Variants in RPS29 observed in about 807,000 individuals in gnomAD.
RPS29 encodes small ribosomal subunit protein uS14.
For missense variants in RPS29, 60 were observed against 75.7 expected, an observed-to-expected ratio of 0.79 and a Z score of 0.77; for synonymous variants, 37 against 26.9, an observed-to-expected ratio of 1.37 and a Z score of -1.16.
downstream of RPS29, among the ~76,000 whole-genome samples, chr14:49,582,382 T>C (rs190419349): frequency 3.4e-4 from 52 of 152,332 alleles, no homozygotes; most frequent in African/African-American, 1.1e-3. Context: ...ATTTCTCTGA[T>C]TCCATCCAGG....
exon 3 of RPS29, chr14:49,571,332 C>T (rs1396214487): frequency 1.3e-5 from 2 of 152,192 alleles, no homozygotes; most frequent in African/African-American, 4.8e-5. Flanking sequence ...TGTGACATAG[C>T]GTGCACAGTA....
chr14:49,585,574 C>A, intron 2 of RPS29: 1 of 320,602 alleles, frequency 3.1e-6, no homozygotes. Flanking sequence ...CAGAGGGAGA[C>A]CCTATCTCTA....
downstream of RPS29, among the ~76,000 whole-genome samples, chr14:49,582,221 A>G (rs963875189): frequency 6.6e-6 from 1 of 151,632 alleles, no homozygotes; most frequent in African/African-American, 2.4e-5. Flanking sequence ...GTTGATCCCA[A>G]GAGTTCAGAC....
At chr14:49,590,432 C>T (rs976430926), upstream of RPS29, among the ~76,000 whole-genome samples, 3 of 151,770 alleles carry the variant, frequency 2.0e-5, no homozygotes, top group African/African-American at 4.8e-5. Context: ...GCCGAGATTG[C>T]GCCACTGCAC....
downstream of RPS29, among the ~76,000 whole-genome samples, chr14:49,583,098 C>T (rs898870707): frequency 6.6e-6 from 1 of 152,092 alleles, no homozygotes; most frequent in Admixed American, 6.6e-5. Context: ...TCTGACCTCC[C>T]AAAGTGCTGG....
At chr14:49,576,137 T>C (rs1021707988) in exon 3 of RPS29, 7 of 142,286 alleles carry the variant, frequency 4.9e-5, no homozygotes, top group Admixed American at 3.5e-4. Flanking sequence ...TTTTTTTTTT[T>C]AAGTGATACA....
chr14:49,586,513 G>A (rs937160745), upstream of RPS29: 1 of 653,034 alleles, frequency 1.5e-6, no homozygotes, highest in Non-Finnish European at 2.8e-6. Context: ...GAGGCGTTGT[G>A]GGCTGGCCCA....
upstream of RPS29, among the ~76,000 whole-genome samples, chr14:49,589,459 G>A (rs1881667163): frequency 6.6e-6 from 1 of 152,182 alleles, no homozygotes; most frequent in South Asian, 2.1e-4. Context: ...TAATATGCAT[G>A]TTAGGACACT....
At chr14:49,591,689 C>G (rs867404330) in intron 1 of RPS29, among the ~76,000 whole-genome samples, 1 of 139,148 alleles carries the variant, frequency 7.2e-6, no homozygotes, top group South Asian at 2.3e-4. Flanking sequence ...GGCGTGATCT[C>G]GGCTCACTGC....
At chr14:49,578,559 C>CTTTTTTTTT (rs60555753) in intron 2 of RPS29, among the ~76,000 whole-genome samples, 2,235 of 103,352 alleles carry the variant, frequency 0.022, 73 homozygotes, top group Middle Eastern at 0.034. Flanking sequence ...AAAGCTTTCA[C>CTTTTTTTTT]TTTTTTTTTT....
chr14:49,590,547 G>C (rs145073972), upstream of RPS29, among the ~76,000 whole-genome samples: 43 of 152,260 alleles, frequency 2.8e-4, no homozygotes, highest in African/African-American at 1.0e-3. Flanking sequence ...TTTGGGAATA[G>C]AATCATACTT....
At chr14:49,583,559 AAC>A (rs1158262278), downstream of RPS29, 2 of 1,212,322 alleles carry the variant, frequency 1.6e-6, no homozygotes, top group African/African-American at 3.1e-5. Context: ...GTCACATTAG[AAC>A]ACTCATAAAC....
At chr14:49,594,003 T>C (rs886103301) in intron 1 of RPS29, among the ~76,000 whole-genome samples, 2 of 152,244 alleles carry the variant, frequency 1.3e-5, no homozygotes, top group Admixed American at 6.5e-5. Context: ...TATGAGGTCA[T>C]GGTCAAATAG....
intron 1 of RPS29, among the ~76,000 whole-genome samples, chr14:49,594,356 A>T (rs893302726): frequency 6.6e-6 from 1 of 152,122 alleles, no homozygotes; most frequent in Admixed American, 6.5e-5. Flanking sequence ...AAAAAAAAAA[A>T]TCCTAAGTGT....
chr14:49,588,847 T>C (rs1202541373), upstream of RPS29, among the ~76,000 whole-genome samples: 1 of 147,326 alleles, frequency 6.8e-6, no homozygotes. Context: ...TTTATCTTAA[T>C]CCTGTAGTCT....
chr14:49,582,951 G>T (rs1279513804), downstream of RPS29, among the ~76,000 whole-genome samples: 1 of 152,168 alleles, frequency 6.6e-6, no homozygotes, highest in Non-Finnish European at 1.5e-5. Context: ...CACATTGACA[G>T]ATGACAGACC....
At chr14:49,588,360 T>C (rs747830180), upstream of RPS29, among the ~76,000 whole-genome samples, 10 of 152,234 alleles carry the variant, frequency 6.6e-5, no homozygotes, top group Non-Finnish European at 1.5e-4. Flanking sequence ...ATAGAGATAT[T>C]GCAAAAGTGC....
At chr14:49,583,951 G>T (rs1482063142) in intron 2 of RPS29, among the ~76,000 whole-genome samples, 1 of 152,142 alleles carries the variant, frequency 6.6e-6, no homozygotes, top group African/African-American at 2.4e-5. Flanking sequence ...AAATGCACAG[G>T]ATAGTTGTTC....
chr14:49,596,310 C>A (rs1198679909), intron 1 of RPS29, among the ~76,000 whole-genome samples: 1 of 152,028 alleles, frequency 6.6e-6, no homozygotes, highest in Non-Finnish European at 1.5e-5. Context: ...AACTTGTAGT[C>A]CAATTATTTT....
Sources: gnomAD v4.1 joint callset for allele counts (sites outside exome capture counted in the v4.1 genomes callset) on GRCh38, gnomAD v4.1.1 for gene constraint, MANE v1.5 for transcripts, NCBI Gene and HGNC (gene_info 2026-07-23, HGNC 2026-07-21) for gene names.